Variants in CTNNA2 observed in about 807,000 individuals in gnomAD.
The protein encoded by CTNNA2 is catenin alpha 2, also known as catenin alpha-2.
A neutral mutation model predicts 101.0 loss-of-function variants in CTNNA2; 42 were observed. That is an observed-to-expected ratio of 0.42 (90% CI 0.32 to 0.54). The LOEUF (loss-of-function observed/expected upper bound fraction) is 0.54. Among genes scored for constraint, CTNNA2 ranks in the 20% least tolerant of loss-of-function variants. The pLI is 0.14. For missense variants in CTNNA2, 871 were observed against 1,223.1 expected (o/e 0.71, Z 4.29); for synonymous variants, 450 against 456.4 (o/e 0.99, Z 0.18).
At chr2:79,932,105 C>T (rs572199008) in intron 7 of CTNNA2, among the ~76,000 whole-genome samples, 23 of 152,268 alleles carry the variant, frequency 1.5e-4, no homozygotes, top group African/African-American at 5.1e-4. Context: ...TCTGTGGGGA[C>T]GAGCCTCACC....
At chr2:80,520,521 G>A (rs969808992) in intron 9 of CTNNA2, among the ~76,000 whole-genome samples, 1 of 152,132 alleles carries the variant, frequency 6.6e-6, no homozygotes, top group African/African-American at 2.4e-5. Flanking sequence ...CCAAGATCAT[G>A]GTGCTAGCAT....
chr2:79,717,607 C>T (rs1686191577), intron 2 of CTNNA2, among the ~76,000 whole-genome samples: 1 of 152,200 alleles, frequency 6.6e-6, no homozygotes, highest in Non-Finnish European at 1.5e-5. Flanking sequence ...ACAGCAGTGT[C>T]TGCTATTCTA....
intron 4 of CTNNA2, among the ~76,000 whole-genome samples, chr2:79,401,463 C>G (rs1387285247): frequency 6.6e-6 from 1 of 151,526 alleles, no homozygotes; most frequent in East Asian, 1.9e-4. Flanking sequence ...ATAGCACAAA[C>G]ATACCATGAG....
At chr2:79,399,487 C>A (rs1678267558) in intron 4 of CTNNA2, among the ~76,000 whole-genome samples, 1 of 152,052 alleles carries the variant, frequency 6.6e-6, no homozygotes, top group African/African-American at 2.4e-5. Context: ...TTAAGATGTT[C>A]TCTAACCAAT....
At chr2:79,739,610 T>G (rs904332135) in intron 2 of CTNNA2, among the ~76,000 whole-genome samples, 2 of 152,196 alleles carry the variant, frequency 1.3e-5, no homozygotes, top group African/African-American at 4.8e-5. Flanking sequence ...ATGGATATAT[T>G]GTGTAGTGGT....
intron 5 of CTNNA2, among the ~76,000 whole-genome samples, chr2:79,506,651 A>G (rs1671419762): frequency 6.6e-6 from 1 of 152,208 alleles, no homozygotes; most frequent in Non-Finnish European, 1.5e-5. Flanking sequence ...AAACCTCTTA[A>G]TATCACCAGT....
chr2:80,376,506 A>G (rs1436295599), intron 7 of CTNNA2, among the ~76,000 whole-genome samples: 3 of 152,038 alleles, frequency 2.0e-5, no homozygotes, highest in Admixed American at 2.0e-4. Flanking sequence ...TCTATGTAAC[A>G]TCCTTCTTAG....
At chr2:80,388,082 A>G (rs1202024941) in intron 7 of CTNNA2, among the ~76,000 whole-genome samples, 2 of 152,248 alleles carry the variant, frequency 1.3e-5, no homozygotes, top group Non-Finnish European at 2.9e-5. Context: ...CCTCAAAGTG[A>G]GATTTTACTG....
At chr2:79,850,240 C>A (rs1054598406) in intron 3 of CTNNA2, among the ~76,000 whole-genome samples, 2 of 145,946 alleles carry the variant, frequency 1.4e-5, no homozygotes, top group African/African-American at 5.2e-5. Flanking sequence ...TATCTCTCTC[C>A]CTCTGTTTCT....
chr2:80,315,053 A>G (rs756790593), intron 7 of CTNNA2, among the ~76,000 whole-genome samples: 6 of 152,238 alleles, frequency 3.9e-5, no homozygotes, highest in Non-Finnish European at 8.8e-5. Context: ...GAATTATAAA[A>G]ACAGAAAATA....
At chr2:79,432,879 A>G (rs946690535) in intron 4 of CTNNA2, among the ~76,000 whole-genome samples, 4 of 152,230 alleles carry the variant, frequency 2.6e-5, no homozygotes, top group Non-Finnish European at 5.9e-5. Context: ...AATCTTTAAC[A>G]GAATATTATA....
At chr2:80,377,682 G>A (rs566453889) in intron 7 of CTNNA2, among the ~76,000 whole-genome samples, 15 of 152,266 alleles carry the variant, frequency 9.9e-5, no homozygotes, top group African/African-American at 3.6e-4. Flanking sequence ...CAAAGCATCC[G>A]TCTTTCCCCA....
intron 7 of CTNNA2, among the ~76,000 whole-genome samples, chr2:80,049,100 A>G (rs1266271983): frequency 6.6e-6 from 1 of 152,236 alleles, no homozygotes; most frequent in Non-Finnish European, 1.5e-5. Context: ...AGAACATTAA[A>G]TGGCAGTATA....
At chr2:79,354,311 C>A (rs766366097) in intron 3 of CTNNA2, among the ~76,000 whole-genome samples, 1 of 152,232 alleles carries the variant, frequency 6.6e-6, no homozygotes, top group African/African-American at 2.4e-5. Flanking sequence ...TCAGGAATGC[C>A]GATGAGTCAT....
intron 7 of CTNNA2, among the ~76,000 whole-genome samples, chr2:80,278,795 C>T (rs1052454517): frequency 5.9e-5 from 9 of 151,666 alleles, no homozygotes; most frequent in Admixed American, 2.0e-4. Flanking sequence ...AGTGAGACCC[C>T]ATCTCTACTA....
intron 2 of CTNNA2, among the ~76,000 whole-genome samples, chr2:79,262,819 T>C (rs1674940633): frequency 1.3e-5 from 2 of 152,256 alleles, no homozygotes; most frequent in East Asian, 3.9e-4. Context: ...GTAAATTTAA[T>C]TTAAACATAA....
intron 1 of CTNNA2, among the ~76,000 whole-genome samples, chr2:79,555,855 G>GA (rs1192408787): frequency 6.6e-6 from 1 of 152,030 alleles, no homozygotes; most frequent in Non-Finnish European, 1.5e-5. Flanking sequence ...AAACAAATGT[G>GA]AAAAATGTAA....
At position 79,935,340 on chromosome 2, in the gene CTNNA2, TTC is replaced by T. The variant is rs1157251125; in HGVS notation, c.1056+25555_1056+25556del. Among the ~76,000 whole-genome samples the T allele has an allele frequency of 2.3e-4, 35 of 150,204 alleles. No individual in the cohort carries two copies. The East Asian group carries it at 6.0e-3, about 26-fold the overall frequency. On this transcript the variant is annotated intron_variant, in intron 7 of 18. Transcript: ENST00000402739. ...TCTGCCCAGAGCCCGTATTTCTTCT[TTC>T]TCTCTCTCTCTTTTTTTTTTTTTAA...
chr2:79,987,818 G>T (rs1348981886), intron 7 of CTNNA2, among the ~76,000 whole-genome samples: 1 of 152,166 alleles, frequency 6.6e-6, no homozygotes, highest in African/African-American at 2.4e-5. Context: ...ACTGTTAAGT[G>T]GAAAATGCCC....
Sources: allele counts gnomAD v4.1 joint callset (sites outside exome capture counted in the v4.1 genomes callset), GRCh38; gene constraint gnomAD v4.1.1; transcripts MANE v1.5; gene names NCBI Gene and HGNC (gene_info 2026-07-23, HGNC 2026-07-21).